NAV3: variants seen among roughly 807,000 people sequenced by gnomAD.
The protein encoded by NAV3 is pore membrane and/or filament interacting like protein 1.
A neutral mutation model predicts 244.7 loss-of-function variants in NAV3; 87 were observed. That is an observed-to-expected ratio of 0.36 (90% CI 0.30 to 0.42). The LOEUF (loss-of-function observed/expected upper bound fraction) is 0.42, where lower values mean the gene tolerates loss of function less well. Among genes scored for constraint, NAV3 ranks in the 20% least tolerant of loss-of-function variants. NAV3 has a pLI of 1.00. For synonymous variants in NAV3, 1,126 were observed against 1,042.2 expected (o/e 1.08, Z -1.55); for missense variants, 2,663 against 2,893.3 (o/e 0.92, Z 1.83).
At chr12:77,991,911 A>G (rs1029242766) in intron 5 of NAV3, among the ~76,000 whole-genome samples, 1 of 152,078 alleles carries the variant, frequency 6.6e-6, no homozygotes, top group Non-Finnish European at 1.5e-5. Flanking sequence ...GGTGCCTGTA[A>G]TCCCAGCTAC....
chr12:78,036,801 A>G (rs1291042627), intron 9 of NAV3: 1 of 615,900 alleles, frequency 1.6e-6, no homozygotes, highest in Non-Finnish European at 2.9e-6. Flanking sequence ...TGGATCAGTT[A>G]CAATCACAGT....
At chr12:78,018,428 G>C (rs1876595543) in intron 8 of NAV3, among the ~76,000 whole-genome samples, 1 of 152,134 alleles carries the variant, frequency 6.6e-6, no homozygotes, top group South Asian at 2.1e-4. Context: ...GCTTTTAGTA[G>C]AGCAAAAACT....
intron 3 of NAV3, among the ~76,000 whole-genome samples, chr12:77,964,162 G>A (rs1353644615): frequency 6.6e-6 from 1 of 151,824 alleles, no homozygotes; most frequent in Non-Finnish European, 1.5e-5. Flanking sequence ...TTAGAAATCA[G>A]TTTATTTTAT....
chr12:78,193,706 A>G (rs1410145439), intron 34 of NAV3, among the ~76,000 whole-genome samples: 2 of 152,160 alleles, frequency 1.3e-5, no homozygotes, highest in Non-Finnish European at 2.9e-5. Context: ...CCTCTAAGTT[A>G]TAGGAAAAAA....
intron 2 of NAV3, among the ~76,000 whole-genome samples, chr12:77,599,103 A>G (rs1410052681): frequency 6.6e-6 from 1 of 151,972 alleles, no homozygotes; most frequent in East Asian, 1.9e-4. Context: ...ACCTCATGTG[A>G]GTGGAATCAA....
intron 5 of NAV3, among the ~76,000 whole-genome samples, chr12:77,982,701 C>T (rs1039814887): frequency 2.0e-5 from 3 of 152,140 alleles, no homozygotes; most frequent in African/African-American, 7.2e-5. Flanking sequence ...TCAGACGAGG[C>T]ATAAAGAGAA....
At chr12:77,584,498 T>A (rs1260551962) in intron 2 of NAV3, among the ~76,000 whole-genome samples, 3 of 152,190 alleles carry the variant, frequency 2.0e-5, no homozygotes, top group African/African-American at 7.2e-5. Flanking sequence ...ATGGGTATGC[T>A]GTCTTTACAT....
chr12:77,714,940 TATG>T (rs1342284425), intron 2 of NAV3, among the ~76,000 whole-genome samples: 3 of 152,082 alleles, frequency 2.0e-5, no homozygotes, highest in African/African-American at 7.2e-5. Context: ...TACTTAAAAA[TATG>T]ATATTTACTT....
intron 2 of NAV3, among the ~76,000 whole-genome samples, chr12:77,600,523 C>T (rs1043626688): frequency 1.3e-5 from 2 of 151,900 alleles, no homozygotes; most frequent in African/African-American, 4.8e-5. Context: ...TGGGGAAAAG[C>T]CACATTGTAT....
chr12:77,651,965 G>A (rs532628970), intron 2 of NAV3, among the ~76,000 whole-genome samples: 6 of 152,218 alleles, frequency 3.9e-5, no homozygotes, highest in Admixed American at 1.3e-4. Context: ...TGGGAAAAGC[G>A]GAGCTTTCAA....
chr12:77,858,709 A>G (rs1431718492), intron 1 of NAV3, among the ~76,000 whole-genome samples: 1 of 152,038 alleles, frequency 6.6e-6, no homozygotes, highest in Non-Finnish European at 1.5e-5. Flanking sequence ...AAGTTTGTTC[A>G]TGTTAAACCC....
At chr12:77,767,804 G>A (rs118143621) in intron 2 of NAV3, among the ~76,000 whole-genome samples, 9 of 152,322 alleles carry the variant, frequency 5.9e-5, no homozygotes, top group East Asian at 5.8e-4. Flanking sequence ...TCCCCAAAGG[G>A]CTGCAACTCT....
chr12:78,172,494 T>A (rs1449528166), intron 24 of NAV3, among the ~76,000 whole-genome samples: 1 of 151,536 alleles, frequency 6.6e-6, no homozygotes, highest in African/African-American at 2.4e-5. Context: ...TGATCATTGG[T>A]GAAGCTGAAC....
chr12:77,623,415 A>G (rs1871469742), intron 2 of NAV3, among the ~76,000 whole-genome samples: 2 of 152,140 alleles, frequency 1.3e-5, no homozygotes, highest in South Asian at 4.1e-4. Flanking sequence ...TTGGTTTTGA[A>G]TTGGTAGAAG....
chr12:77,868,102 TA>T (rs35221342), intron 1 of NAV3, among the ~76,000 whole-genome samples: 28,074 of 139,406 alleles, frequency 0.2, 2,700 homozygotes, highest in South Asian at 0.31. Flanking sequence ...CTGTTTGTTC[TA>T]ACTTCAGCTA....
chr12:77,942,470 G>C (rs1006964536), intron 3 of NAV3, among the ~76,000 whole-genome samples: 1 of 151,992 alleles, frequency 6.6e-6, no homozygotes, highest in Non-Finnish European at 1.5e-5. Context: ...CATGAACTCT[G>C]TGTATATGGT....
In NAV3 at chr12:77,940,429, G is replaced by C. The variant is rs959074481; in HGVS notation, c.354G>C (p.Gln118His). Residue 118 changes from glutamine (Q) to histidine (H), a missense_variant, in exon 2 of 40, where the codon CAG (glutamine) becomes CAC (histidine). Transcript: ENST00000397909. Reference sequence around the variant, plus strand: ...GAGTACTCCTAGCAGAAATCATCCAGATTATTGGTAAGCCCTTCCTTCTGA... The same window carrying C: ...GAGTACTCCTAGCAGAAATCATCCACATTATTGGTAAGCCCTTCCTTCTGA... ...ADGVLLAEIIQIIANEKVEDI... is the reference protein window; with the variant it reads ...ADGVLLAEIIHIIANEKVEDI... The C allele has an allele frequency of 2.9e-5, 47 of 1,609,830 alleles. No homozygotes were observed. The highest frequency in any genetic ancestry group is 3.7e-5 in the Non-Finnish European group (43 of 1,176,672).
At chr12:77,990,674 A>G (rs904421144) in intron 5 of NAV3, among the ~76,000 whole-genome samples, 1 of 152,224 alleles carries the variant, frequency 6.6e-6, no homozygotes, top group Admixed American at 6.5e-5. Flanking sequence ...AGTTTCATTT[A>G]ACATCCTTGT....
chr12:77,616,985 T>C (rs924486054), intron 2 of NAV3, among the ~76,000 whole-genome samples: 7 of 152,210 alleles, frequency 4.6e-5, no homozygotes, highest in Non-Finnish European at 7.3e-5. Context: ...GAATTCGCTA[T>C]AGCATTGACA....
Sources: gnomAD v4.1 joint callset for allele counts (sites outside exome capture counted in the v4.1 genomes callset) on GRCh38, gnomAD v4.1.1 for gene constraint, MANE v1.5 for transcripts, NCBI Gene and HGNC (gene_info 2026-07-23, HGNC 2026-07-21) for gene names.